INPP4A: variants seen among roughly 807,000 people sequenced by gnomAD.
INPP4A encodes the protein inositol polyphosphate-4-phosphatase, type I, 107kD.
INPP4A carries 33 observed loss-of-function variants against 119.8 expected under a neutral mutation model. The ratio of observed to expected loss-of-function variants is 0.28; its 90% CI spans 0.21 to 0.37. The LOEUF (loss-of-function observed/expected upper bound fraction) is 0.37, where lower values mean the gene tolerates loss of function less well. Among genes scored for constraint, INPP4A ranks in the 10% least tolerant of loss-of-function variants. INPP4A has a pLI of 1.00. For missense variants in INPP4A, 956 were observed against 1,289.9 expected (o/e 0.74, Z 3.97); for synonymous variants, 496 against 500.7 (o/e 0.99, Z 0.12).
In INPP4A at chr2:98,554,755, C is replaced by G. The variant is rs2106220873; in HGVS notation, c.1566+266C>G. 6.6e-6 allele frequency among the ~76,000 whole-genome samples: 1 copy of G among 152,320 alleles called. No individual in the cohort carries two copies. The highest frequency in any genetic ancestry group is 1.5e-5 in the Non-Finnish European group (1 of 68,028). On this transcript the variant is annotated intron_variant, in intron 15 of 24. Transcript: ENST00000409851. The surrounding 1 kb of genome is among the most constrained non-coding windows in gnomAD (Gnocchi z 4.7). ...TGAAGAGGAAGACAAGTGGGTTTTC[C>G]TCCCGTGTTGGAGGTCTCTCCTTCC...
intron 1 of INPP4A, among the ~76,000 whole-genome samples, chr2:98,491,034 A>G (rs1680629014): frequency 6.6e-6 from 1 of 152,214 alleles, no homozygotes; most frequent in Non-Finnish European, 1.5e-5. Flanking sequence ...TGACAGAGAA[A>G]AAAATTCAAA....
chr2:98,516,943 G>GT (rs201545884), intron 1 of INPP4A, among the ~76,000 whole-genome samples: 31 of 148,980 alleles, frequency 2.1e-4, no homozygotes, highest in Admixed American at 2.7e-4. Flanking sequence ...ACTCACGTAA[G>GT]TTTTTTTTTT....
At chr2:98,466,656 G>T (rs971600172) in intron 1 of INPP4A, among the ~76,000 whole-genome samples, 26 of 152,192 alleles carry the variant, frequency 1.7e-4, no homozygotes, top group African/African-American at 6.3e-4. Flanking sequence ...CTCACTTATG[G>T]TTATGCCAGG....
At chr2:98,584,590 C>T (rs1467450867) in intron 24 of INPP4A, among the ~76,000 whole-genome samples, 1 of 152,282 alleles carries the variant, frequency 6.6e-6, no homozygotes, top group Admixed American at 6.5e-5. Context: ...GTCACCACAC[C>T]TTTCTGCCCA....
chr2:98,445,246 C>A (rs1007721656), intron 1 of INPP4A, among the ~76,000 whole-genome samples, 161 bp downstream of exon 1: 5 of 152,146 alleles, frequency 3.3e-5, no homozygotes, highest in Non-Finnish European at 5.9e-5. Flanking sequence ...TGCCAGTGGT[C>A]CACCTGCGGT....
intron 1 of INPP4A, among the ~76,000 whole-genome samples, chr2:98,469,823 C>A (rs1675618156): frequency 1.3e-5 from 2 of 152,050 alleles, no homozygotes; most frequent in African/African-American, 4.8e-5. Flanking sequence ...ACAACAACAA[C>A]AAAAAGAACT....
At chr2:98,563,321 G>T in intron 17 of INPP4A, 144 bp from the exon 18 acceptor site, 1 of 782,590 alleles carries the variant, frequency 1.3e-6, no homozygotes, top group Non-Finnish European at 2.1e-6. Flanking sequence ...GACTGGGTTG[G>T]TTCCAGACAG....
chr2:98,541,093 T>G (rs1190589246), intron 10 of INPP4A, among the ~76,000 whole-genome samples: 1 of 152,186 alleles, frequency 6.6e-6, no homozygotes, highest in Admixed American at 6.5e-5. Flanking sequence ...TTTGGGAGGC[T>G]GAGGCAGGTG....
At position 98,559,511 on chromosome 2, in the gene INPP4A, T is replaced by C. The variant is rs750574992; in HGVS notation, c.1855+16T>C. On this transcript the variant is annotated intron_variant, in intron 17 of 24. Coordinates refer to ENST00000409851, the MANE Select transcript of INPP4A (RefSeq NM_001134225.2). ...TCCAGCCCAGGTACGTGGTTTCCGT[T>C]CAAGGCTCCTGCTGATGCCCTTTTA... The C allele has an allele frequency of 6.2e-7, 1 of 1,613,268 alleles. No individual in the cohort carries two copies. The highest frequency in any genetic ancestry group is 8.5e-7 in the Non-Finnish European group (1 of 1,179,334).
chr2:98,575,582 CCTT>C (rs1479398113), intron 23 of INPP4A, among the ~76,000 whole-genome samples: 2 of 152,158 alleles, frequency 1.3e-5, no homozygotes, highest in South Asian at 2.1e-4. Flanking sequence ...AGCCTATTCT[CCTT>C]CTGATTGTCT....
At chr2:98,523,925 T>C (rs1559001874) in intron 4 of INPP4A, among the ~76,000 whole-genome samples, 1 of 152,244 alleles carries the variant, frequency 6.6e-6, no homozygotes, top group Non-Finnish European at 1.5e-5. Context: ...TTTTTGGTTG[T>C]GGAAGTATGG....
intron 10 of INPP4A, among the ~76,000 whole-genome samples, chr2:98,539,941 CTT>C (rs1203018612): frequency 6.6e-6 from 1 of 151,372 alleles, no homozygotes; most frequent in Non-Finnish European, 1.5e-5. Context: ...CTTCTTTACT[CTT>C]TTTTTTTGAG....
intron 1 of INPP4A, among the ~76,000 whole-genome samples, chr2:98,459,456 G>C (rs928831121): frequency 6.6e-6 from 1 of 152,220 alleles, no homozygotes. Flanking sequence ...GTCCGTGTTT[G>C]GGAGGCCCTC....
chr2:98,464,862 C>G (rs748161089), intron 1 of INPP4A, among the ~76,000 whole-genome samples: 4 of 152,204 alleles, frequency 2.6e-5, no homozygotes, highest in African/African-American at 7.2e-5. Context: ...TTGGAAACTC[C>G]TTTTTAGGAC....
chr2:98,492,215 A>T (rs924775079), intron 1 of INPP4A, among the ~76,000 whole-genome samples: 9 of 152,146 alleles, frequency 5.9e-5, no homozygotes, highest in African/African-American at 2.2e-4. Context: ...TTTTGGTCTT[A>T]TGATAGGTTT....
chr2:98,472,373 C>G (rs111419704), intron 1 of INPP4A, among the ~76,000 whole-genome samples: 1 of 152,230 alleles, frequency 6.6e-6, no homozygotes, highest in African/African-American at 2.4e-5. Context: ...GACTCGAGTC[C>G]CCCAGCAGAT....
intron 1 of INPP4A, among the ~76,000 whole-genome samples, chr2:98,472,225 C>A (rs1676180239): frequency 2.6e-5 from 4 of 152,182 alleles, no homozygotes; most frequent in Admixed American, 2.0e-4. Flanking sequence ...AGCTTGAGTC[C>A]CTGTTGGGGT....
intron 1 of INPP4A, among the ~76,000 whole-genome samples, chr2:98,484,145 T>C (rs1367373769): frequency 6.6e-6 from 1 of 152,092 alleles, no homozygotes; most frequent in Non-Finnish European, 1.5e-5. Flanking sequence ...CATCACTCCA[T>C]GTTACCCCTG....
chr2:98,490,441 G>A (rs1251209895), intron 1 of INPP4A, among the ~76,000 whole-genome samples: 1 of 152,024 alleles, frequency 6.6e-6, no homozygotes, highest in African/African-American at 2.4e-5. Context: ...GAGGAGCTGT[G>A]TCCATCCCTC....
Sources: allele counts gnomAD v4.1 joint callset (sites outside exome capture counted in the v4.1 genomes callset), GRCh38; gene constraint gnomAD v4.1.1; non-coding constraint Gnocchi (gnomAD v3.1); transcripts MANE v1.5; gene names NCBI Gene and HGNC (gene_info 2026-07-23, HGNC 2026-07-21).